Variants in TNRC6C observed in about 807,000 individuals in gnomAD.
TNRC6C encodes trinucleotide repeat containing adaptor 6C, also known as trinucleotide repeat-containing gene 6C protein.
Under a neutral mutation model 153.7 loss-of-function variants are expected in TNRC6C, and 20 were observed. The ratio of observed to expected loss-of-function variants is 0.13; its 90% confidence interval spans 0.09 to 0.19. The LOEUF is 0.19. Ranked by LOEUF, TNRC6C falls within the 10% of genes least tolerant of loss-of-function variation. The pLI, the probability that TNRC6C is intolerant of heterozygous loss-of-function variation, is 1.00. For missense variants in TNRC6C, 1,987 were observed against 2,172.0 expected (o/e 0.91, Z 1.69); for synonymous variants, 811 against 841.4 (o/e 0.96, Z 0.63).
chr17:78,097,751 C>T lies in TNRC6C; in HGVS notation c.4307-592C>T, dbSNP rs781141306. The T allele has an allele frequency of 3.2e-6, 5 of 1,548,824 alleles. No homozygotes were observed. In the South Asian group the frequency reaches 6.0e-5, roughly 18 times the overall value. On this transcript the variant is annotated intron_variant, in intron 16 of 19. Transcript: ENST00000301624. The stretch of plus-strand genomic sequence containing the variant: ...GCCGTGTTTGGTTCTGCAGGGTCCT[C>T]CCCGCCATCATCTCAGAATGCCACG...
intron 1 of TNRC6C, among the ~76,000 whole-genome samples, chr17:78,016,150 G>A (rs372415110): frequency 6.6e-6 from 1 of 152,200 alleles, no homozygotes; most frequent in East Asian, 1.9e-4. Context: ...TAATTGAGAG[G>A]CCCTATTGGC....
intron 3 of TNRC6C, among the ~76,000 whole-genome samples, chr17:78,057,605 C>G (rs534355950): frequency 1.3e-5 from 2 of 152,370 alleles, no homozygotes; most frequent in South Asian, 4.1e-4. Flanking sequence ...TCCATAGCTA[C>G]TGGGATTCCC....
intron 1 of TNRC6C, among the ~76,000 whole-genome samples, chr17:78,020,862 T>A (rs1196442218): frequency 6.6e-6 from 1 of 152,270 alleles, no homozygotes; most frequent in Non-Finnish European, 1.5e-5. Flanking sequence ...GGCCAGTGGC[T>A]GCTGTACTGG....
upstream of TNRC6C, among the ~76,000 whole-genome samples, chr17:77,958,320 G>A (rs2070825794): frequency 6.6e-6 from 1 of 152,150 alleles, no homozygotes; most frequent in South Asian, 2.1e-4. Context: ...AGGCGGCGGC[G>A]GTAAAGGACA....
chr17:78,027,903 GT>G (rs550690147), intron 1 of TNRC6C, among the ~76,000 whole-genome samples: 6,685 of 136,462 alleles, frequency 0.049, 393 homozygotes, highest in African/African-American at 0.17. Flanking sequence ...AAACTTGGAG[GT>G]TTTTTTTTTT....
chr17:78,104,779 G>A lies in TNRC6C; in HGVS notation c.5007G>A (p.Val1669=). The change falls in exon 20 of 20, where the codon GTG becomes GTA. Residue 1669 remains valine, a synonymous_variant. Transcript: ENST00000301624. This position sits in a 1 kb window ranked among gnomAD's most constrained non-coding sequence, Gnocchi z 6.2. ...CGCCCAGCGCCGACGACAGCAGGGT[G>A]ATAGGCAGCCCCACGCCGCTAACCA... 2.0e-6 allele frequency: 3 copies of A among 1,470,944 alleles called. No individual in the cohort carries two copies. The South Asian group carries it at 4.0e-5, about 20-fold the overall frequency. 91.1% of individuals were successfully genotyped at this position (1,470,944 alleles called of 1,614,324 possible). A position where few individuals can be genotyped will look rare whatever the true frequency, so the allele number is the denominator to read the frequency against.
At chr17:77,983,134 T>C (rs915697849) in intron 1 of TNRC6C, among the ~76,000 whole-genome samples, 19 of 152,228 alleles carry the variant, frequency 1.2e-4, no homozygotes, top group Non-Finnish European at 1.8e-4. Flanking sequence ...TTATACTTAA[T>C]GGTAAAACCC....
intron 1 of TNRC6C, among the ~76,000 whole-genome samples, chr17:77,988,574 CAA>C: frequency 6.6e-6 from 1 of 152,286 alleles, no homozygotes; most frequent in Middle Eastern, 3.4e-3. Context: ...ATAGAGTCCA[CAA>C]AAGTTTGGTT....
At chr17:78,019,701 AAAAC>A (rs1285861581) in intron 1 of TNRC6C, among the ~76,000 whole-genome samples, 1 of 152,214 alleles carries the variant, frequency 6.6e-6, no homozygotes, top group African/African-American at 2.4e-5. Context: ...TTTCTTAAAT[AAAAC>A]AAATGATTTG....
chr17:78,033,717 C>G (rs1300863472), intron 2 of TNRC6C, among the ~76,000 whole-genome samples: 4 of 151,764 alleles, frequency 2.6e-5, no homozygotes, highest in Non-Finnish European at 5.9e-5. Context: ...CATATAAACA[C>G]ACACACATAT....
exon 3 of TNRC6C, chr17:78,051,332 C>T (rs771694347): frequency 7.5e-5 from 117 of 1,551,528 alleles, no homozygotes; most frequent in East Asian, 3.2e-4. Context: ...AGCAGTACCA[C>T]GACCAATACC....
intron 1 of TNRC6C, among the ~76,000 whole-genome samples, chr17:78,023,260 G>A (rs9908896): frequency 0.086 from 13,046 of 152,264 alleles, 1,794 homozygotes; most frequent in African/African-American, 0.3. Flanking sequence ...TCTGGAACCA[G>A]TCCCTCTTGG....
intron 7 of TNRC6C, among the ~76,000 whole-genome samples, chr17:78,074,325 C>T (rs2073048233): frequency 6.6e-6 from 1 of 152,154 alleles, no homozygotes; most frequent in Non-Finnish European, 1.5e-5. Context: ...CTGCACATGT[C>T]CACAAATAAC....
intron 3 of TNRC6C, among the ~76,000 whole-genome samples, chr17:78,058,290 G>A (rs145846205): frequency 0.012 from 1,762 of 152,286 alleles, 16 homozygotes; most frequent in Middle Eastern, 0.037. Context: ...TGTTCTAAGG[G>A]AATGAAAGCA....
chr17:77,999,460 A>G (rs1220550184), upstream of TNRC6C, among the ~76,000 whole-genome samples: 2 of 152,124 alleles, frequency 1.3e-5, no homozygotes, highest in East Asian at 1.9e-4. Flanking sequence ...GTTTGTGTTT[A>G]TATTATACTT....
intron 3 of TNRC6C, among the ~76,000 whole-genome samples, chr17:78,057,815 A>C (rs1440292949): frequency 1.3e-5 from 2 of 150,104 alleles, no homozygotes. Context: ...ATGATTTCTG[A>C]ATTACATTTT....
At chr17:78,048,793 A>AT (rs1178577548) in intron 2 of TNRC6C, 52 bp from the exon 5 acceptor site, 2 of 1,231,846 alleles carry the variant, frequency 1.6e-6, no homozygotes, top group Non-Finnish European at 2.0e-6. Context: ...CAGTTGATTC[A>AT]TTGACAAATG....
intron 1 of TNRC6C, among the ~76,000 whole-genome samples, chr17:78,025,287 C>T (rs2071919417): frequency 6.6e-6 from 1 of 152,168 alleles, no homozygotes; most frequent in Non-Finnish European, 1.5e-5. Context: ...TGTAGTTTTG[C>T]CTTCTCCAAA....
upstream of TNRC6C, among the ~76,000 whole-genome samples, chr17:77,959,047 C>G (rs1171984156): frequency 6.9e-6 from 1 of 144,690 alleles, no homozygotes. Flanking sequence ...GGGGCCGGAC[C>G]TGGACCTGCC....
Sources: gnomAD v4.1 joint callset for allele counts (sites outside exome capture counted in the v4.1 genomes callset) on GRCh38, gnomAD v4.1.1 for gene constraint, Gnocchi (gnomAD v3.1) non-coding constraint, MANE v1.5 for transcripts, NCBI Gene and HGNC (gene_info 2026-07-23, HGNC 2026-07-21) for gene names.